Variants in COMMD1 observed in about 807,000 individuals in gnomAD.
COMMD1 encodes the protein COMM domain-containing protein 1.
A neutral mutation model predicts 17.2 loss-of-function variants in COMMD1; 10 were observed. That is an observed-to-expected ratio of 0.58 (90% CI 0.36 to 0.99). The LOEUF is 0.99. Among genes scored for constraint, COMMD1 ranks in the 50% least tolerant of loss-of-function variants. The pLI, the probability that COMMD1 is intolerant of heterozygous loss-of-function variation, is 0.01. For missense variants in COMMD1, 270 were observed against 231.8 expected, an observed-to-expected ratio of 1.17 and a Z score of -1.07; for synonymous variants, 97 against 91.6, an observed-to-expected ratio of 1.06 and a Z score of -0.34.
intron 1 of COMMD1, among the ~76,000 whole-genome samples, chr2:61,933,072 T>C (rs1670510997): frequency 6.6e-6 from 1 of 151,150 alleles, no homozygotes; most frequent in Non-Finnish European, 1.5e-5. Context: ...GGATGGGGAG[T>C]TGGAAAGGGG....
intron 2 of COMMD1, among the ~76,000 whole-genome samples, chr2:62,047,078 A>G (rs1457486081): frequency 6.6e-6 from 1 of 152,194 alleles, no homozygotes; most frequent in Non-Finnish European, 1.5e-5. Flanking sequence ...AGTCCCTTAC[A>G]ATCTGGTTGG....
chr2:62,073,146 T>C (rs1671245377), intron 2 of COMMD1, among the ~76,000 whole-genome samples: 1 of 152,188 alleles, frequency 6.6e-6, no homozygotes, highest in African/African-American at 2.4e-5. Flanking sequence ...CTTTGACGTA[T>C]TTTCAGATGG....
chr2:61,924,656 G>A (rs1670281896), intron 1 of COMMD1, among the ~76,000 whole-genome samples: 1 of 152,174 alleles, frequency 6.6e-6, no homozygotes, highest in South Asian at 2.1e-4. Flanking sequence ...AGGAATCTCA[G>A]ACCATTTCCT....
intron 1 of COMMD1, among the ~76,000 whole-genome samples, chr2:61,920,979 A>ATTTTT (rs1239695346): frequency 7.6e-6 from 1 of 131,126 alleles, no homozygotes; most frequent in African/African-American, 3.1e-5. Flanking sequence ...ATATATATAT[A>ATTTTT]TATTTTTTTT....
At chr2:61,916,113 C>T (rs1316416703) in intron 1 of COMMD1, among the ~76,000 whole-genome samples, 1 of 151,832 alleles carries the variant, frequency 6.6e-6, no homozygotes, top group Middle Eastern at 3.4e-3. Flanking sequence ...GTGTGTGGCA[C>T]CACTCCTGGC....
intron 2 of COMMD1, among the ~76,000 whole-genome samples, chr2:62,121,789 A>C (rs1672757526): frequency 6.6e-6 from 1 of 150,988 alleles, no homozygotes; most frequent in Non-Finnish European, 1.5e-5. Context: ...GAAATTAGCC[A>C]TTTGTTTATT....
intron 2 of COMMD1, among the ~76,000 whole-genome samples, chr2:62,014,693 C>T (rs1312671438): frequency 6.6e-6 from 1 of 151,036 alleles, no homozygotes; most frequent in Admixed American, 6.6e-5. Context: ...TCCCGAGTAG[C>T]TGGGACTACA....
At chr2:62,061,545 C>CTTTCT (rs1311715593) in intron 2 of COMMD1, among the ~76,000 whole-genome samples, 1 of 144,126 alleles carries the variant, frequency 6.9e-6, no homozygotes. Flanking sequence ...GGCTGTCTTT[C>CTTTCT]TTTCTTTTCT....
intron 2 of COMMD1, among the ~76,000 whole-genome samples, chr2:62,083,356 G>A (rs571782521): frequency 6.6e-6 from 1 of 152,228 alleles, no homozygotes; most frequent in South Asian, 2.1e-4. Context: ...TGCCATTGTA[G>A]CCTGAAAGCA....
chr2:62,092,837 T>C (rs191040648), intron 2 of COMMD1, among the ~76,000 whole-genome samples: 1 of 152,290 alleles, frequency 6.6e-6, no homozygotes, highest in East Asian at 1.9e-4. Context: ...ATAAATAATG[T>C]TTTTGAAAAG....
intron 1 of COMMD1, among the ~76,000 whole-genome samples, chr2:61,924,620 C>A (rs986162767): frequency 1.3e-5 from 2 of 152,096 alleles, no homozygotes; most frequent in Non-Finnish European, 2.9e-5. Context: ...AGGGCAGTTA[C>A]AGTGAGTGAA....
intron 1 of COMMD1, among the ~76,000 whole-genome samples, chr2:61,961,928 A>T (rs1472656468): frequency 6.6e-6 from 1 of 152,150 alleles, no homozygotes; most frequent in Non-Finnish European, 1.5e-5. Flanking sequence ...AATGATAATT[A>T]TAGGTCATAT....
At chr2:62,111,315 A>G (rs1047446158) in intron 2 of COMMD1, among the ~76,000 whole-genome samples, 1 of 152,234 alleles carries the variant, frequency 6.6e-6, no homozygotes, top group Non-Finnish European at 1.5e-5. Context: ...AATTTATTTC[A>G]TCCAAGTTTT....
chr2:61,910,174 T>A (rs187964571), intron 1 of COMMD1, among the ~76,000 whole-genome samples: 13 of 152,282 alleles, frequency 8.5e-5, no homozygotes, highest in African/African-American at 3.1e-4. Flanking sequence ...GGTGTGTTTA[T>A]TTAAGGAGAT....
chr2:62,085,468 C>T (rs1378133888), intron 2 of COMMD1, among the ~76,000 whole-genome samples: 1 of 151,944 alleles, frequency 6.6e-6, no homozygotes, highest in Non-Finnish European at 1.5e-5. Context: ...CCACTTGCCT[C>T]GGCCTCTGAA....
At chr2:61,968,861 G>C (rs1172771100) in intron 1 of COMMD1, 1 of 203,756 alleles carries the variant, frequency 4.9e-6, no homozygotes, top group Non-Finnish European at 1.1e-5. Flanking sequence ...CCTGGCCTCA[G>C]TTTTTACTTA....
chr2:62,102,751 G>A (rs916707517), intron 2 of COMMD1, among the ~76,000 whole-genome samples: 3 of 152,130 alleles, frequency 2.0e-5, no homozygotes, highest in Non-Finnish European at 2.9e-5. Flanking sequence ...GCCTTTGTGT[G>A]TAAAAACTGG....
At chr2:62,025,719 C>T (rs757287203) in intron 2 of COMMD1, among the ~76,000 whole-genome samples, 4 of 152,034 alleles carry the variant, frequency 2.6e-5, no homozygotes, top group African/African-American at 4.8e-5. Flanking sequence ...GTCAGAGTGT[C>T]GCTCTGTCAC....
chr2:61,998,159 T>C (rs1281223522), intron 1 of COMMD1, among the ~76,000 whole-genome samples: 1 of 152,206 alleles, frequency 6.6e-6, no homozygotes, highest in African/African-American at 2.4e-5. Flanking sequence ...GATTAGGTTT[T>C]GGCTTATGGG....
Sources: allele counts gnomAD v4.1 joint callset (sites outside exome capture counted in the v4.1 genomes callset), GRCh38; gene constraint gnomAD v4.1.1; transcripts MANE v1.5; gene names NCBI Gene and HGNC (gene_info 2026-07-23, HGNC 2026-07-21).